Variants in PXDC1 observed in about 807,000 individuals in gnomAD.
PXDC1 encodes PX domain-containing protein 1.
In PXDC1, 13 loss-of-function variants were observed where a neutral mutation model predicts 24.4. The observed-to-expected ratio is 0.53, with a 90% confidence interval of 0.35 to 0.85. The LOEUF is 0.85. Among genes scored for constraint, PXDC1 ranks in the 40% least tolerant of loss-of-function variants. PXDC1 has a pLI of 0.01. For synonymous variants in PXDC1, 162 were observed against 124.9 expected, an observed-to-expected ratio of 1.30 and a Z score of -1.98; for missense variants, 344 against 309.3, an observed-to-expected ratio of 1.11 and a Z score of -0.84.
chr6:3,751,075 A>C, intron 1 of PXDC1: 1 of 479,282 alleles, frequency 2.1e-6, no homozygotes, highest in Non-Finnish European at 3.6e-6. Context: ...GGGCGCCCCC[A>C]GGCTGGGCAG....
chr6:3,736,311 C>T (rs868541239), intron 3 of PXDC1, among the ~76,000 whole-genome samples: 5 of 152,256 alleles, frequency 3.3e-5, no homozygotes, highest in Admixed American at 6.5e-5. Flanking sequence ...TCCCACAGAT[C>T]GCAACATCAT....
rs534491161 is a variant in PXDC1 at position 3,737,566 on chromosome 6, G to C, written c.349-370C>G. On this transcript the variant is annotated intron_variant, in intron 2 of 4. Coordinates refer to ENST00000380283, the MANE Select transcript of PXDC1 (RefSeq NM_183373.4). This position sits in a 1 kb window ranked among gnomAD's most constrained non-coding sequence, Gnocchi z 5.5. ...CAGGAGCTAAGGAGGTCTGCCTGGC[G>C]CTCAAGTCCAGGTTCTTAACCACCA... is the stretch of plus-strand genomic sequence containing the variant. The C allele has an allele frequency of 1.4e-6, 1 of 692,814 alleles. No individual in the cohort carries two copies. The highest frequency in any genetic ancestry group is 1.8e-6 in the Non-Finnish European group (1 of 562,402). 42.9% of individuals were successfully genotyped at this position (692,814 alleles called of 1,614,324 possible). A position where few individuals can be genotyped will look rare whatever the true frequency, so the allele number is the denominator to read the frequency against.
At chr6:3,744,723 G>C (rs1163508997) in intron 1 of PXDC1, among the ~76,000 whole-genome samples, 4 of 152,208 alleles carry the variant, frequency 2.6e-5, no homozygotes, top group Non-Finnish European at 2.9e-5. Context: ...TTGAGACGAA[G>C]TCTCGCTCTT....
rs1367006599 is a variant in PXDC1, at chr6:3,723,752, C to T, written c.579-16G>A. On this transcript the variant is annotated splice_polypyrimidine_tract_variant and intron_variant, in intron 4 of 4. Transcript: ENST00000380283. Reference sequence around the variant, plus strand: ...ATTCTCAAATCTGAAATTAGAGAAACCAGAGGTGAGGGGTGGCTCATTGTT... The same window carrying T: ...ATTCTCAAATCTGAAATTAGAGAAATCAGAGGTGAGGGGTGGCTCATTGTT... The T allele has an allele frequency of 6.2e-7, 1 of 1,603,044 alleles. No homozygotes were observed. The highest frequency in any genetic ancestry group is 2.2e-5 in the East Asian group (1 of 44,828).
chr6:3,738,704 C>A, intron 1 of PXDC1: 2 of 1,128,072 alleles, frequency 1.8e-6, no homozygotes, highest in Non-Finnish European at 2.4e-6. Context: ...ACGACTCATG[C>A]CACTTTCCAG....
At chr6:3,741,244 G>A (rs1297793822) in intron 1 of PXDC1, among the ~76,000 whole-genome samples, 1 of 152,232 alleles carries the variant, frequency 6.6e-6, no homozygotes, top group Non-Finnish European at 1.5e-5. Context: ...GTGGAAATGT[G>A]CAGAACCACA....
rs1759993354 is a variant in PXDC1, at chr6:3,723,710, G to A, written c.605C>T (p.Ser202Leu). The A allele has an allele frequency of 1.2e-6, 2 of 1,614,172 alleles. No individual in the cohort carries two copies. Among genetic ancestry groups the A allele is most frequent in the Non-Finnish European group, 1.7e-6 (2 of 1,179,994 alleles). ...TGGGTCGTCCCCGTCCTCCAGCTCT[G>A]AGGGAAACTCACTGCCATTCTCAAA... ...HLFENGSEFP[S>L]ELEDGDDPAA... Residue 202 changes from serine to leucine, a missense_variant, in exon 5 of 5, where the codon TCA (serine) becomes TTA (leucine). Transcript: ENST00000380283.
intron 1 of PXDC1, chr6:3,751,010 G>A: frequency 9.1e-6 from 4 of 439,562 alleles, no homozygotes; most frequent in Non-Finnish European, 1.6e-5. Flanking sequence ...GGAGAGTCCG[G>A]CGCCCGCCCT....
intron 1 of PXDC1, among the ~76,000 whole-genome samples, chr6:3,743,216 TG>T (rs58267240): frequency 0.49 from 74,250 of 151,812 alleles, 19,335 homozygotes; most frequent in African/African-American, 0.68. Context: ...GGCAGGATGC[TG>T]GCTCGGGTGC....
At position 3,751,363 on chromosome 6, in the gene PXDC1, G is replaced by C; in HGVS notation, c.169C>G (p.Leu57Val). ...DRSVLYLHRS[L>V]ADLGRLWQRL... ...TGCCACAGGCGGCCCAGGTCCGCCA[G>C]GCTGCGGTGCAGGTAGAGCACGCTG... Residue 57 changes from leucine to valine, a missense_variant, in exon 1 of 5, where the codon CTG becomes GTG. Transcript: ENST00000380283. 2 of 1,560,762 alleles carry C rather than the reference G, an allele frequency of 1.3e-6. No individual in the cohort carries two copies.
Position 3,751,421 on chromosome 6 carries a change from C to G in PXDC1, c.111G>C (p.Glu37Asp). 1 of 1,584,696 alleles carries G rather than the reference C, an allele frequency of 6.3e-7. No homozygotes were observed. Among genetic ancestry groups the G allele is most frequent in the Non-Finnish European group, 8.6e-7 (1 of 1,166,416 alleles). ...LIVSRRGDEE[E>D]FFEIRTEWSD... ...ACCACTCCGTGCGGATCTCGAAGAA[C>G]TCCTCTTCGTCGCCGCGCCGGCTGA... The change falls in exon 1 of 5, where the codon GAG becomes GAC. Residue 37 changes from glutamate to aspartate, a missense_variant. Physicochemically the swap from Glu to Asp is conservative, Grantham distance 45 (BLOSUM62 2). Transcript: ENST00000380283.
In PXDC1 at chr6:3,723,405, C is replaced by A; in HGVS notation, c.*214G>T. Reference sequence around the variant, plus strand: ...CAGGCCCTGTGGCCTCCGGCTGTGACCTCAGCTTGCTGGAGACTCTGCGGT... The same window carrying A: ...CAGGCCCTGTGGCCTCCGGCTGTGAACTCAGCTTGCTGGAGACTCTGCGGT... On this transcript the variant is annotated 3_prime_UTR_variant, in exon 5 of 5. Transcript: ENST00000380283. 1 of 589,276 alleles carries A rather than the reference C, an allele frequency of 1.7e-6. No individual in the cohort carries two copies. Among genetic ancestry groups the A allele is most frequent in the South Asian group, 2.2e-5 (1 of 46,282 alleles). The allele number at this position is 589,276 out of a possible 1,614,324, so 36.5% of individuals were successfully genotyped here. A position where few individuals can be genotyped will look rare whatever the true frequency, so the allele number is the denominator to read the frequency against.
In PXDC1 at chr6:3,737,699, G is replaced by A. The variant is rs917179142; in HGVS notation, c.348+358C>T. Reference sequence around the variant, plus strand: ...CGTTCTTCTTGGTTTCCACGTGTCTGTTCTAAAATCCCCTCAGCAAGACGG... The same window carrying A: ...CGTTCTTCTTGGTTTCCACGTGTCTATTCTAAAATCCCCTCAGCAAGACGG... On this transcript the variant is annotated intron_variant, in intron 2 of 4. Coordinates refer to ENST00000380283, the MANE Select transcript of PXDC1 (RefSeq NM_183373.4). This position sits in a 1 kb window ranked among gnomAD's most constrained non-coding sequence, Gnocchi z 5.5. The A allele has an allele frequency of 3.7e-5, 36 of 985,296 alleles. No individual in the cohort carries two copies. Among genetic ancestry groups the A allele is most frequent in the Non-Finnish European group, 4.2e-5 (35 of 829,896 alleles). The allele number at this position is 985,296 out of a possible 1,614,324, so 61.0% of individuals were successfully genotyped here.
Position 3,737,317 on chromosome 6 carries a change from A to C in PXDC1, c.349-121T>G. 1.4e-6 allele frequency: 1 copy of C among 722,526 alleles called. No individual in the cohort carries two copies. The highest frequency in any genetic ancestry group is 1.7e-5 in the South Asian group (1 of 58,676). The allele number at this position is 722,526 out of a possible 1,614,324, so 44.8% of individuals were successfully genotyped here. ...GCCTGTGTGATGCAAACGCCCCATG[A>C]ATGTCCAGATGCTCCCATGGCTGGC... is the stretch of plus-strand genomic sequence containing the variant. On this transcript the variant is annotated intron_variant, in intron 2 of 4. Coordinates refer to ENST00000380283, the MANE Select transcript of PXDC1 (RefSeq NM_183373.4). The surrounding 1 kb of genome is among the most constrained non-coding windows in gnomAD (Gnocchi z 5.5).
Position 3,737,272 on chromosome 6 carries a change from C to CA in PXDC1, c.349-77_349-76insT. On this transcript the variant is annotated intron_variant, in intron 2 of 4. Transcript: ENST00000380283. This position sits in a 1 kb window ranked among gnomAD's most constrained non-coding sequence, Gnocchi z 5.5. ...CCCTGTCTGTCTACCAAGAGAGGGC[C>CA]CCGCTCCTCCGCAGAGGCAGCCTGT... The CA allele has an allele frequency of 2.0e-6, 2 of 1,010,358 alleles. No individual in the cohort carries two copies. Among genetic ancestry groups the CA allele is most frequent in the Non-Finnish European group, 3.1e-6 (2 of 641,294 alleles). The allele number at this position is 1,010,358 out of a possible 1,614,324, so 62.6% of individuals were successfully genotyped here.
At chr6:3,747,407 CCT>C (rs899938293) in intron 1 of PXDC1, among the ~76,000 whole-genome samples, 1 of 152,154 alleles carries the variant, frequency 6.6e-6, no homozygotes, top group African/African-American at 2.4e-5. Flanking sequence ...GGCCAAATCA[CCT>C]CTCTGCTCAG....
At chr6:3,743,000 G>A (rs1760482618) in intron 1 of PXDC1, among the ~76,000 whole-genome samples, 1 of 152,298 alleles carries the variant, frequency 6.6e-6, no homozygotes. Flanking sequence ...ACGCGCTGGA[G>A]GCAGTACAAA....
At chr6:3,732,974 G>A (rs376939009) in intron 3 of PXDC1, among the ~76,000 whole-genome samples, 4 of 152,370 alleles carry the variant, frequency 2.6e-5, no homozygotes, top group African/African-American at 9.6e-5. Context: ...GAAGGACCCT[G>A]CAGGGCCACA....
intron 1 of PXDC1, among the ~76,000 whole-genome samples, chr6:3,748,032 G>T (rs1339411151): frequency 6.6e-6 from 1 of 152,178 alleles, no homozygotes; most frequent in East Asian, 1.9e-4. Context: ...TGAAACTATA[G>T]AAATAACAAT....
Sources: allele counts gnomAD v4.1 joint callset (sites outside exome capture counted in the v4.1 genomes callset), GRCh38; gene constraint gnomAD v4.1.1; non-coding constraint Gnocchi (gnomAD v3.1); transcripts MANE v1.5; gene names NCBI Gene and HGNC (gene_info 2026-07-23, HGNC 2026-07-21).